The following SIL1 variants were observed in gnomAD, a reference collection of about 807,000 sequenced individuals.
SIL1 encodes nucleotide exchange factor SIL1.
SIL1 carries 40 observed loss-of-function variants against 49.1 expected under a neutral mutation model. That is an observed-to-expected ratio of 0.81 (90% CI 0.63 to 1.06). The LOEUF (loss-of-function observed/expected upper bound fraction) is 1.06, where lower values mean the gene tolerates loss of function less well. Among genes scored for constraint, SIL1 ranks in the 50% least tolerant of loss-of-function variants. The pLI, the probability that SIL1 is intolerant of heterozygous loss-of-function variation, is 0.00. For missense variants in SIL1, 500 were observed against 572.6 expected (o/e 0.87, Z 1.29); for synonymous variants, 253 against 250.8 (o/e 1.01, Z -0.08).
intron 8 of SIL1, among the ~76,000 whole-genome samples, chr5:138,951,545 G>A (rs1180482977): frequency 6.6e-6 from 1 of 152,236 alleles, no homozygotes; most frequent in Non-Finnish European, 1.5e-5. Context: ...GAGGTAAACA[G>A]AGGCCAAGGG....
chr5:138,974,774 C>T (rs773159921), intron 7 of SIL1, among the ~76,000 whole-genome samples: 41 of 152,220 alleles, frequency 2.7e-4, no homozygotes, highest in Non-Finnish European at 5.1e-4. Context: ...ATGATATTAA[C>T]ATTAACAATA....
chr5:139,185,565 A>G (rs138739037), intron 1 of SIL1, among the ~76,000 whole-genome samples: 2 of 152,240 alleles, frequency 1.3e-5, no homozygotes, highest in Non-Finnish European at 2.9e-5. Flanking sequence ...ACCGATGTCA[A>G]GTGAGGACTT....
At chr5:139,129,589 G>C (rs999474452) in intron 1 of SIL1, among the ~76,000 whole-genome samples, 5 of 152,184 alleles carry the variant, frequency 3.3e-5, no homozygotes, top group Admixed American at 3.3e-4. Context: ...GGAGTATGGC[G>C]TGCACCCAGG....
intron 3 of SIL1, among the ~76,000 whole-genome samples, chr5:139,066,550 C>T (rs553369852): frequency 1.3e-4 from 20 of 152,198 alleles, no homozygotes; most frequent in Non-Finnish European, 2.8e-4. Flanking sequence ...TAGTGCCTTG[C>T]TTATTCTTTT....
chr5:139,153,380 A>G (rs1751346418), intron 1 of SIL1, among the ~76,000 whole-genome samples: 1 of 152,198 alleles, frequency 6.6e-6, no homozygotes, highest in Non-Finnish European at 1.5e-5. Flanking sequence ...TTTCTTATAT[A>G]GTTGTCCTTC....
intron 3 of SIL1, among the ~76,000 whole-genome samples, chr5:139,056,322 C>T (rs1459660945): frequency 1.3e-5 from 2 of 151,614 alleles, no homozygotes; most frequent in Non-Finnish European, 2.9e-5. Flanking sequence ...TCTGCCCTGC[C>T]GCCCCGTCTG....
At chr5:139,109,184 A>G (rs1424502736) in intron 3 of SIL1, among the ~76,000 whole-genome samples, 2 of 152,156 alleles carry the variant, frequency 1.3e-5, no homozygotes, top group Non-Finnish European at 2.9e-5. Flanking sequence ...CCTAACTCCA[A>G]AGTATCCTCA....
chr5:139,004,668 T>G (rs1447291014), intron 7 of SIL1, among the ~76,000 whole-genome samples: 1 of 152,200 alleles, frequency 6.6e-6, no homozygotes, highest in Non-Finnish European at 1.5e-5. Flanking sequence ...GCAATTAGAT[T>G]TTCAACTTCA....
At chr5:139,182,043 G>C (rs1751993612) in intron 1 of SIL1, among the ~76,000 whole-genome samples, 1 of 152,140 alleles carries the variant, frequency 6.6e-6, no homozygotes, top group Non-Finnish European at 1.5e-5. Flanking sequence ...TAAACGAGCA[G>C]TAAACACTAT....
chr5:139,171,594 A>G (rs1751771214), intron 1 of SIL1, among the ~76,000 whole-genome samples: 1 of 151,624 alleles, frequency 6.6e-6, no homozygotes, highest in African/African-American at 2.4e-5. Context: ...GCCTAGGAAA[A>G]CCAGAGACCT....
intron 7 of SIL1, among the ~76,000 whole-genome samples, chr5:139,009,080 T>G (rs1473005470): frequency 6.6e-6 from 1 of 151,674 alleles, no homozygotes. Flanking sequence ...TCTCCCATTA[T>G]TATTGTGTGG....
chr5:138,991,150 G>T (rs1286877755), intron 7 of SIL1, among the ~76,000 whole-genome samples: 1 of 152,254 alleles, frequency 6.6e-6, no homozygotes, highest in Non-Finnish European at 1.5e-5. Flanking sequence ...GAAGGCCTGA[G>T]ACATTCTGTT....
At chr5:138,977,103 T>G (rs1767409445) in intron 7 of SIL1, among the ~76,000 whole-genome samples, 1 of 152,208 alleles carries the variant, frequency 6.6e-6, no homozygotes, top group African/African-American at 2.4e-5. Flanking sequence ...GTGGCAGGAT[T>G]GCTCTACTCG....
chr5:139,125,593 G>C (rs1466532211), intron 2 of SIL1, among the ~76,000 whole-genome samples: 1 of 152,148 alleles, frequency 6.6e-6, no homozygotes, highest in Admixed American at 6.5e-5. Flanking sequence ...ACCATTTATT[G>C]GCCATATTGT....
At chr5:139,158,952 T>G (rs914765401) in intron 1 of SIL1, among the ~76,000 whole-genome samples, 35 of 152,206 alleles carry the variant, frequency 2.3e-4, no homozygotes, top group Non-Finnish European at 2.9e-5. Context: ...GGAGACTCTC[T>G]GACATCTTGC....
chr5:139,026,558 G>A (rs10038832), intron 6 of SIL1, among the ~76,000 whole-genome samples: 7 of 152,236 alleles, frequency 4.6e-5, no homozygotes, highest in South Asian at 2.1e-4. Context: ...AGCCGAGATC[G>A]CGCCACTGCA....
intron 3 of SIL1, among the ~76,000 whole-genome samples, chr5:139,112,987 A>AT (rs1770902974): frequency 1.3e-5 from 2 of 152,264 alleles, no homozygotes. Flanking sequence ...CTGTTCATCT[A>AT]TGACCTTGCC....
chr5:139,095,345 C>T (rs2151778858), intron 3 of SIL1, among the ~76,000 whole-genome samples: 1 of 150,466 alleles, frequency 6.6e-6, no homozygotes, highest in African/African-American at 2.5e-5. Flanking sequence ...CTCAATGCAA[C>T]CTCCACCTCC....
chr5:139,066,430 C>T (rs957455827), intron 3 of SIL1, among the ~76,000 whole-genome samples: 2 of 152,008 alleles, frequency 1.3e-5, no homozygotes, highest in African/African-American at 4.8e-5. Flanking sequence ...AGTCACAGCT[C>T]ACTGCAGCCT....
Sources: gnomAD v4.1 joint callset for allele counts (sites outside exome capture counted in the v4.1 genomes callset) on GRCh38, gnomAD v4.1.1 for gene constraint, MANE v1.5 for transcripts, NCBI Gene and HGNC (gene_info 2026-07-23, HGNC 2026-07-21) for gene names.